SEMA3A: variants seen among roughly 807,000 people sequenced by gnomAD.
The protein encoded by SEMA3A is semaphorin-3A.
SEMA3A carries 29 observed loss-of-function variants against 97.9 expected under a neutral mutation model. The ratio of observed to expected loss-of-function variants is 0.30; its 90% CI spans 0.22 to 0.40. The LOEUF (loss-of-function observed/expected upper bound fraction) is 0.40. SEMA3A is among the 10% of genes least tolerant of loss of function. The pLI is 1.00. For synonymous variants in SEMA3A, 321 were observed against 323.7 expected, an observed-to-expected ratio of 0.99 and a Z score of 0.09; for missense variants, 763 against 951.3, an observed-to-expected ratio of 0.80 and a Z score of 2.60.
chr7:84,405,643 A>G (rs913585477), intron 1 of SEMA3A, among the ~76,000 whole-genome samples: 3 of 152,220 alleles, frequency 2.0e-5, no homozygotes, highest in African/African-American at 7.2e-5. Context: ...ACATAGTTGG[A>G]AGTAAAGCAC....
intron 4 of SEMA3A, among the ~76,000 whole-genome samples, chr7:84,079,560 C>G (rs2115791334): frequency 6.6e-6 from 1 of 152,174 alleles, no homozygotes; most frequent in Middle Eastern, 3.4e-3. Flanking sequence ...GCAGACACTT[C>G]TCAAAAGAAG....
chr7:84,473,709 G>A (rs959809878), intron 1 of SEMA3A, among the ~76,000 whole-genome samples: 14 of 151,860 alleles, frequency 9.2e-5, no homozygotes, highest in African/African-American at 2.9e-4. Flanking sequence ...AATTTCTATG[G>A]AATAGTTAAA....
At chr7:84,263,180 A>C (rs1010844595) in intron 3 of SEMA3A, among the ~76,000 whole-genome samples, 1 of 152,020 alleles carries the variant, frequency 6.6e-6, no homozygotes, top group South Asian at 2.1e-4. Flanking sequence ...TTTTAAATGT[A>C]TCCCCAAATT....
At chr7:84,000,965 G>GTAAAC (rs1790420355) in intron 12 of SEMA3A, among the ~76,000 whole-genome samples, 2 of 151,744 alleles carry the variant, frequency 1.3e-5, no homozygotes, top group African/African-American at 4.8e-5. Context: ...CATTTTATAG[G>GTAAAC]TAAACTACCA....
chr7:84,106,705 T>C (rs1480697090), intron 4 of SEMA3A, among the ~76,000 whole-genome samples: 1 of 152,176 alleles, frequency 6.6e-6, no homozygotes, highest in African/African-American at 2.4e-5. Context: ...TCCTTCAAAG[T>C]GATGGGTTTT....
At chr7:84,290,386 T>A (rs563238560) in intron 3 of SEMA3A, among the ~76,000 whole-genome samples, 1 of 152,250 alleles carries the variant, frequency 6.6e-6, no homozygotes, top group East Asian at 1.9e-4. Context: ...ATCTTTTATA[T>A]TGCTTTCCAT....
intron 9 of SEMA3A, among the ~76,000 whole-genome samples, chr7:84,010,794 AC>A (rs1163172686): frequency 6.6e-6 from 1 of 152,148 alleles, no homozygotes; most frequent in Non-Finnish European, 1.5e-5. Flanking sequence ...AACATTTCAA[AC>A]TGTTTATTAC....
intron 2 of SEMA3A, among the ~76,000 whole-genome samples, chr7:84,346,841 C>T (rs143399704): frequency 2.7e-4 from 41 of 152,190 alleles, no homozygotes; most frequent in South Asian, 1.9e-3. Flanking sequence ...CGTTGCTTAA[C>T]GCAGGGTTGC....
chr7:84,136,163 G>A (rs1376225499), intron 1 of SEMA3A, among the ~76,000 whole-genome samples: 5 of 152,064 alleles, frequency 3.3e-5, no homozygotes, highest in African/African-American at 9.7e-5. Context: ...TGCACACTTA[G>A]TAGGAAATTT....
intron 2 of SEMA3A, among the ~76,000 whole-genome samples, chr7:84,359,851 T>C (rs1199150105): frequency 1.3e-5 from 2 of 151,944 alleles, no homozygotes; most frequent in South Asian, 2.1e-4. Flanking sequence ...TCAACTTCTT[T>C]CTGGTTTAGT....
chr7:83,972,708 C>A (rs1220813756), intron 15 of SEMA3A, among the ~76,000 whole-genome samples: 2 of 152,030 alleles, frequency 1.3e-5, no homozygotes, highest in Non-Finnish European at 1.5e-5. Flanking sequence ...TTAAAAAAAT[C>A]TTAGTTTGTA....
chr7:84,073,518 T>A (rs575482690), intron 4 of SEMA3A, among the ~76,000 whole-genome samples: 2 of 151,314 alleles, frequency 1.3e-5, no homozygotes, highest in East Asian at 3.9e-4. Flanking sequence ...CTGTGGAGAG[T>A]TTTCTATGCC....
chr7:84,056,989 A>C (rs1793010252), intron 5 of SEMA3A, among the ~76,000 whole-genome samples: 1 of 152,208 alleles, frequency 6.6e-6, no homozygotes, highest in Admixed American at 6.5e-5. Flanking sequence ...CTGCCATACC[A>C]TTTCAGGTAC....
At chr7:84,330,446 C>G (rs1801883963) in intron 2 of SEMA3A, among the ~76,000 whole-genome samples, 1 of 152,016 alleles carries the variant, frequency 6.6e-6, no homozygotes, top group Admixed American at 6.6e-5. Context: ...TTAATAAGAT[C>G]TACTGACTTA....
intron 14 of SEMA3A, among the ~76,000 whole-genome samples, chr7:83,978,778 C>T (rs1286784612): frequency 6.6e-6 from 1 of 152,104 alleles, no homozygotes; most frequent in East Asian, 1.9e-4. Flanking sequence ...TTTTCACTGC[C>T]ATTTAAGATT....
At chr7:84,278,580 C>A (rs1367461455) in intron 3 of SEMA3A, among the ~76,000 whole-genome samples, 1 of 152,074 alleles carries the variant, frequency 6.6e-6, no homozygotes, top group African/African-American at 2.4e-5. Context: ...GCAGGCTGTA[C>A]AAGAAGCATA....
At chr7:84,049,615 A>G (rs1374345402) in intron 5 of SEMA3A, among the ~76,000 whole-genome samples, 1 of 152,106 alleles carries the variant, frequency 6.6e-6, no homozygotes, top group Admixed American at 6.6e-5. Context: ...TGGAGAATAG[A>G]TATATTTTTT....
At chr7:84,321,755 A>G (rs1801649728) in intron 2 of SEMA3A, among the ~76,000 whole-genome samples, 1 of 151,304 alleles carries the variant, frequency 6.6e-6, no homozygotes, top group Non-Finnish European at 1.5e-5. Flanking sequence ...GCACGCCTCT[A>G]GTCTCAGCTA....
chr7:84,439,266 T>C lies in SEMA3A; in HGVS notation c.-246+53194A>G, dbSNP rs369638575. 2.6e-5 allele frequency among the ~76,000 whole-genome samples: 4 copies of C among 152,168 alleles called. No homozygotes were observed. The East Asian group carries it at 5.8e-4, about 22-fold the overall frequency. On this transcript the variant is annotated intron_variant, in intron 1 of 3. Transcript: ENST00000424555. ...AGAATATGCACATAGCCTCCCACTTTAAGCCCAGGAAGAATTTTCTATGAC... is the reference window on the plus strand; with the variant it reads ...AGAATATGCACATAGCCTCCCACTTCAAGCCCAGGAAGAATTTTCTATGAC...
Sources: allele counts gnomAD v4.1 joint callset (sites outside exome capture counted in the v4.1 genomes callset), GRCh38; gene constraint gnomAD v4.1.1; transcripts MANE v1.5; gene names NCBI Gene and HGNC (gene_info 2026-07-23, HGNC 2026-07-21).